ARHGAP22: variants seen among roughly 807,000 people sequenced by gnomAD.
ARHGAP22 encodes rho GTPase-activating protein 22.
ARHGAP22 carries 48 observed loss-of-function variants against 59.1 expected under a neutral mutation model. The ratio of observed to expected loss-of-function variants is 0.81; its 90% CI spans 0.64 to 1.03. The LOEUF is 1.03. Among genes scored for constraint, ARHGAP22 ranks in the 50% least tolerant of loss-of-function variants. The probability of loss-of-function intolerance (pLI) is 0.00; values close to 1 mark genes in which losing one functional copy is unlikely to be tolerated. For synonymous variants in ARHGAP22, 445 were observed against 416.4 expected (o/e 1.07, Z -0.84); for missense variants, 1,015 against 958.7 (o/e 1.06, Z -0.78).
intron 1 of ARHGAP22, among the ~76,000 whole-genome samples, chr10:48,592,771 C>T (rs1162425188): frequency 2.6e-5 from 4 of 152,176 alleles, no homozygotes; most frequent in Non-Finnish European, 5.9e-5. Flanking sequence ...CCCAGGGTTC[C>T]CCCATCTCAG....
intron 4 of ARHGAP22, among the ~76,000 whole-genome samples, chr10:48,474,725 T>C (rs993067647): frequency 7.3e-6 from 1 of 136,298 alleles, no homozygotes; most frequent in Non-Finnish European, 1.6e-5. Context: ...CGGTCATGTG[T>C]TTTTGTCCTT....
chr10:48,467,887 AAGCTGG>A (rs2047873475), intron 4 of ARHGAP22, among the ~76,000 whole-genome samples: 1 of 152,126 alleles, frequency 6.6e-6, no homozygotes. Flanking sequence ...GCCCTTCTTC[AAGCTGG>A]ACGTGCAGAG....
chr10:48,468,342 G>A (rs1206574388), intron 4 of ARHGAP22, among the ~76,000 whole-genome samples: 5 of 152,204 alleles, frequency 3.3e-5, no homozygotes, highest in Non-Finnish European at 5.9e-5. Flanking sequence ...TATCTAAGGG[G>A]CCAGGTGCAA....
chr10:48,569,930 C>T (rs192837194), intron 2 of ARHGAP22, among the ~76,000 whole-genome samples: 25 of 152,304 alleles, frequency 1.6e-4, no homozygotes, highest in African/African-American at 4.6e-4. Flanking sequence ...ACATTAGTCC[C>T]CAGACATTGC....
At chr10:48,488,505 C>T (rs2050063602) in intron 3 of ARHGAP22, among the ~76,000 whole-genome samples, 1 of 152,146 alleles carries the variant, frequency 6.6e-6, no homozygotes, top group Admixed American at 6.5e-5. Context: ...CAGCCTTTTT[C>T]TGGTATGAAC....
chr10:48,628,511 A>C (rs1565023800), intron 1 of ARHGAP22, among the ~76,000 whole-genome samples: 1 of 152,266 alleles, frequency 6.6e-6, no homozygotes, highest in East Asian at 1.9e-4. Context: ...GATGTCCACC[A>C]TATGCTGCTT....
At chr10:48,626,483 T>G (rs2061453314) in intron 1 of ARHGAP22, among the ~76,000 whole-genome samples, 1 of 152,224 alleles carries the variant, frequency 6.6e-6, no homozygotes. Context: ...TACATTGATA[T>G]TTGTTAAGCA....
rs1351398033 is a variant in ARHGAP22 at position 48,450,386 on chromosome 10, C to T, written c.1743G>A (p.Glu581=). 6.3e-7 allele frequency: 1 copy of T among 1,575,044 alleles called. No individual in the cohort carries two copies. The highest frequency in any genetic ancestry group is 8.6e-7 in the Non-Finnish European group (1 of 1,161,034). ...DEAGAGASNS[E]PSEPDSPTRE... ...GGGTGGGGCTGTCCGGCTCGCTGGG[C>T]TCGCTGTTGCTGGCACCCGCGCCCG... The change falls in exon 9 of 10, where the codon GAG becomes GAA. Residue 581 remains glutamate (E), a synonymous_variant. Transcript: ENST00000249601.
At chr10:48,478,714 G>A (rs956488015) in intron 4 of ARHGAP22, among the ~76,000 whole-genome samples, 4 of 152,268 alleles carry the variant, frequency 2.6e-5, no homozygotes, top group African/African-American at 4.8e-5. Context: ...TAGAGATAGC[G>A]ACTGCACGGC....
chr10:48,556,337 C>T (rs558207869), intron 2 of ARHGAP22, among the ~76,000 whole-genome samples: 2 of 152,262 alleles, frequency 1.3e-5, no homozygotes, highest in Non-Finnish European at 2.9e-5. Flanking sequence ...AAGTCCTACT[C>T]AAGAGAATGA....
chr10:48,648,336 G>A (rs2062400607), intron 1 of ARHGAP22, among the ~76,000 whole-genome samples: 1 of 152,168 alleles, frequency 6.6e-6, no homozygotes, highest in Admixed American at 6.5e-5. Flanking sequence ...CCAGGATGTG[G>A]TGGGACTGCA....
chr10:48,479,481 G>T, intron 4 of ARHGAP22, 155 bp downstream of exon 4: 1 of 1,407,536 alleles, frequency 7.1e-7, no homozygotes, highest in Non-Finnish European at 9.6e-7. Flanking sequence ...GACTCCCGAG[G>T]GCTGGCAGTG....
chr10:48,523,736 G>C (rs2054045713), intron 3 of ARHGAP22, among the ~76,000 whole-genome samples: 1 of 151,986 alleles, frequency 6.6e-6, no homozygotes, highest in South Asian at 2.1e-4. Context: ...CCTGCAGCCG[G>C]CGCCGCGGCC....
chr10:48,567,603 T>G lies in ARHGAP22; in HGVS notation c.235-12053A>C, dbSNP rs190315411. 4.6e-5 allele frequency among the ~76,000 whole-genome samples: 7 copies of G among 152,296 alleles called. No individual in the cohort carries two copies. In the East Asian group the frequency reaches 1.4e-3, roughly 29 times the overall value. ...GACCATTAGTGTCATCAAATCTCCA[T>G]GGGCTGCTCTCTGAGTGTCCTTTGT... On this transcript the variant is annotated intron_variant, in intron 2 of 9. Transcript: ENST00000249601.
At chr10:48,431,820 A>G in the ARHGAP22 span, among the ~76,000 whole-genome samples, 1 of 152,218 alleles carries the variant, frequency 6.6e-6, no homozygotes, top group Admixed American at 6.5e-5. Flanking sequence ...AAGTAAAAGT[A>G]TAAAGAATAG....
intron 1 of ARHGAP22, among the ~76,000 whole-genome samples, chr10:48,612,852 C>T (rs1461401532): frequency 6.6e-6 from 1 of 152,158 alleles, no homozygotes; most frequent in Non-Finnish European, 1.5e-5. Flanking sequence ...CCCACTTTTC[C>T]ATTCTCTCAC....
chr10:48,516,088 T>C (rs985877351), intron 3 of ARHGAP22, among the ~76,000 whole-genome samples: 1 of 151,286 alleles, frequency 6.6e-6, no homozygotes. Context: ...AAAACAAAAG[T>C]TGGTTCTTTG....
Position 48,450,673 on chromosome 10 carries a change from C to T in ARHGAP22, c.1456G>A (p.Val486Met), listed in dbSNP as rs553270297. The change falls in exon 9 of 10, where the codon GTG becomes ATG. Residue 486 changes from valine (V) to methionine (M), a missense_variant. Physicochemically the swap from Val to Met is conservative, Grantham distance 21. Coordinates refer to ENST00000249601, the MANE Select transcript of ARHGAP22 (RefSeq NM_021226.4). ...SGDRLKDSGS[V>M]QRLSTYDNVP... ...TTGTCGTAGGTGGAGAGTCTCTGCA[C>T]GGAGCCCGAGTCCTTGAGCCGGTCT... The T allele has an allele frequency of 9.0e-6, 14 of 1,550,544 alleles. No individual in the cohort carries two copies. The African/African-American group carries it at 1.2e-4, about 14-fold the overall frequency.
chr10:48,538,604 A>C (rs775083947), intron 3 of ARHGAP22, among the ~76,000 whole-genome samples: 7 of 152,232 alleles, frequency 4.6e-5, no homozygotes, highest in Non-Finnish European at 1.0e-4. Context: ...TGCTTTTGAG[A>C]AATGCTGAAC....
Sources: allele counts gnomAD v4.1 joint callset (sites outside exome capture counted in the v4.1 genomes callset), GRCh38; gene constraint gnomAD v4.1.1; transcripts MANE v1.5; gene names NCBI Gene and HGNC (gene_info 2026-07-23, HGNC 2026-07-21).